The following OR5B2 variants were observed in gnomAD, a reference collection of about 807,000 sequenced individuals.
OR5B2 encodes the protein olfactory receptor 5B2.
For missense variants in OR5B2, 411 were observed against 367.0 expected, an observed-to-expected ratio of 1.12 and a Z score of -0.98; for synonymous variants, 163 against 140.8, an observed-to-expected ratio of 1.16 and a Z score of -1.11.
intron 1 of OR5B2, among the ~76,000 whole-genome samples, chr11:58,427,151 C>T (rs1259530545): frequency 6.6e-6 from 1 of 152,114 alleles, no homozygotes; most frequent in East Asian, 1.9e-4. Context: ...TTTGAACGTA[C>T]ATAAAGTTCT....
chr11:58,425,574 G>GA (rs538145332), intron 2 of OR5B2, among the ~76,000 whole-genome samples: 2 of 151,530 alleles, frequency 1.3e-5, no homozygotes, highest in African/African-American at 4.8e-5. Flanking sequence ...AATAACATTA[G>GA]AAAAAAAATA....
At position 58,421,793 on chromosome 11, in the gene OR5B2, TG is replaced by T. The variant is rs1855275518; in HGVS notation, c.*538del. The T allele has an allele frequency of 6.6e-6, 1 of 152,278 alleles. No homozygotes were observed. The highest frequency in any genetic ancestry group is 2.4e-5 in the African/African-American group (1 of 41,452). 9.4% of individuals were successfully genotyped at this position (152,278 alleles called of 1,614,324 possible). ...TATGTATGTGGGGGCAGAAGGTATA[TG>T]GGAAATCTCTGTACTTACCTCTCCA... On this transcript the variant is annotated 3_prime_UTR_variant, in exon 3 of 3. Coordinates refer to ENST00000641342, the MANE Select transcript of OR5B2 (RefSeq NM_001005566.3).
At position 58,423,195 on chromosome 11, in the gene OR5B2, T is replaced by C. The variant is rs2119937649; in HGVS notation, c.67A>G (p.Ile23Val). Reference sequence around the variant, plus strand: ...AAGGTGAACAAGATAAAGAGGGGGATCTGTAGTTCTGGGACACTGGTTAGT... The same window carrying C: ...AAGGTGAACAAGATAAAGAGGGGGACCTGTAGTTCTGGGACACTGGTTAGT... Reference protein sequence around the residue: ...LGLTSVPELQIPLFILFTFIY... With the variant: ...LGLTSVPELQVPLFILFTFIY... The change falls in exon 3 of 3, where the codon ATC becomes GTC. Residue 23 changes from isoleucine (I) to valine (V), a missense_variant. Ile to Val is a conservative substitution (Grantham distance 29). Coordinates refer to ENST00000641342, the MANE Select transcript of OR5B2 (RefSeq NM_001005566.3). 6.2e-7 allele frequency: 1 copy of C among 1,613,432 alleles called. No individual in the cohort carries two copies. Among genetic ancestry groups the C allele is most frequent in the Middle Eastern group, 1.7e-4 (1 of 6,058 alleles).
intron 2 of OR5B2, among the ~76,000 whole-genome samples, chr11:58,424,611 C>A (rs1355021331): frequency 1.3e-5 from 2 of 152,106 alleles, no homozygotes; most frequent in East Asian, 3.9e-4. Flanking sequence ...CTTTAGTCTG[C>A]AGATCTGTTT....
Position 58,421,825 on chromosome 11 carries a change from C to G in OR5B2, c.*507G>C, listed in dbSNP as rs1855275764. 1 of 152,426 alleles carries G rather than the reference C, an allele frequency of 6.6e-6. No individual in the cohort carries two copies. Among genetic ancestry groups the G allele is most frequent in the African/African-American group, 2.4e-5 (1 of 41,404 alleles). The allele number at this position is 152,426 out of a possible 1,614,324, so 9.4% of individuals were successfully genotyped here. A position where few individuals can be genotyped will look rare whatever the true frequency, so the allele number is the denominator to read the frequency against. Reference sequence around the variant, plus strand: ...TCTCTGTACTTACCTCTCCATTTTGCTGTGAACATAAAACTGTTCTTAAAG... The same window carrying G: ...TCTCTGTACTTACCTCTCCATTTTGGTGTGAACATAAAACTGTTCTTAAAG... On this transcript the variant is annotated 3_prime_UTR_variant, in exon 3 of 3. Coordinates refer to ENST00000641342, the MANE Select transcript of OR5B2 (RefSeq NM_001005566.3).
intron 1 of OR5B2, among the ~76,000 whole-genome samples, chr11:58,427,061 G>A (rs1219584055): frequency 6.6e-6 from 1 of 152,096 alleles, no homozygotes; most frequent in Non-Finnish European, 1.5e-5. Context: ...CACACAGGGT[G>A]GAACCTCTAA....
In OR5B2 at chr11:58,422,482, G is replaced by T; in HGVS notation, c.780C>A (p.Pro260=). ...YGTVIFIYLQ[P]SSSHSMDTDK... ...CTGTGTCCATGGAGTGGCTGGAGCT[G>T]GGCTGCAAGTAGATGAAGATTACTG... Residue 260 remains proline, a synonymous_variant, in exon 3 of 3, where the codon CCC becomes CCA. Coordinates refer to ENST00000641342, the MANE Select transcript of OR5B2 (RefSeq NM_001005566.3). 6.2e-6 allele frequency: 10 copies of T among 1,613,734 alleles called. No homozygotes were observed. Among genetic ancestry groups the T allele is most frequent in the Non-Finnish European group, 8.5e-6 (10 of 1,179,848 alleles).
At chr11:58,427,843 G>T (rs1259346014) in intron 1 of OR5B2, among the ~76,000 whole-genome samples, 176 bp downstream of exon 1, 1 of 152,136 alleles carries the variant, frequency 6.6e-6, no homozygotes, top group Non-Finnish European at 1.5e-5. Context: ...ACAGTCAAGG[G>T]ACTGTGAGAA....
rs1297628439 is a variant in OR5B2 at position 58,423,225 on chromosome 11, G to A, written c.37C>T (p.Leu13=). 5 of 1,608,934 alleles carry A rather than the reference G, an allele frequency of 3.1e-6. No homozygotes were observed. The highest frequency in any genetic ancestry group is 4.2e-6 in the Non-Finnish European group (5 of 1,177,040). The change falls in exon 3 of 3, where the codon CTA becomes TTA. Residue 13 remains leucine, a synonymous_variant. Transcript: ENST00000641342. ...NCTEVTKFIL[L]GLTSVPELQI... ...AGTTCTGGGACACTGGTTAGTCCTA[G>A]AAGAATGAACTTTGTCACTTCCGTA...
intron 2 of OR5B2, among the ~76,000 whole-genome samples, chr11:58,423,647 C>CTT (rs1402147875): frequency 1.3e-5 from 2 of 152,036 alleles, no homozygotes; most frequent in Non-Finnish European, 2.9e-5. Context: ...TACTGGGAAC[C>CTT]GCTCTAGGCA....
chr11:58,426,110 A>G (rs970886888), intron 2 of OR5B2, among the ~76,000 whole-genome samples: 1 of 151,722 alleles, frequency 6.6e-6, no homozygotes, highest in African/African-American at 2.4e-5. Context: ...TAGAGTGCCC[A>G]TCATTTTCTA....
At position 58,422,430 on chromosome 11, in the gene OR5B2, T is replaced by C. The variant is rs769392278; in HGVS notation, c.832A>G (p.Met278Val). 38 of 1,613,528 alleles carry C rather than the reference T, an allele frequency of 2.4e-5. No individual in the cohort carries two copies. Among genetic ancestry groups the C allele is most frequent in the Non-Finnish European group, 3.2e-5 (38 of 1,179,740 alleles). Reference protein sequence around the residue: ...TDKMASVFYAMIIPMLNPVVY... With the variant: ...TDKMASVFYAVIIPMLNPVVY... ...ACAGGGTTCAGCATGGGGATGATCA[T>C]AGCATAGAACACAGATGCCATTTTG... is the stretch of plus-strand genomic sequence containing the variant. The change falls in exon 3 of 3, where the codon ATG (methionine) becomes GTG (valine). Residue 278 changes from methionine (M) to valine (V), a missense_variant. Met to Val is a conservative substitution (Grantham distance 21). Transcript: ENST00000641342.
rs190925972 is a variant in OR5B2 at position 58,422,679 on chromosome 11, C to A, written c.583G>T (p.Val195Leu). ...AAGCTTGACATAAAAACCAGAATCA[C>A]CTCACTAGTGTGTTTATCAGAGCAA... ...LSCSDKHTSE[V>L]ILVFMSSFNI... The change falls in exon 3 of 3, where the codon GTG (valine) becomes TTG (leucine). Residue 195 changes from valine (V) to leucine (L), a missense_variant. By Grantham distance (32) the Val-to-Leu change is conservative. Transcript: ENST00000641342. 1 of 1,613,460 alleles carries A rather than the reference C, an allele frequency of 6.2e-7. No individual in the cohort carries two copies. Among genetic ancestry groups the A allele is most frequent in the African/African-American group, 1.3e-5 (1 of 74,884 alleles).
At chr11:58,424,921 A>G (rs1855320533) in intron 2 of OR5B2, among the ~76,000 whole-genome samples, 1 of 152,254 alleles carries the variant, frequency 6.6e-6, no homozygotes, top group South Asian at 2.1e-4. Context: ...CTATTTTACC[A>G]TTATAAGAAT....
At chr11:58,426,238 T>C (rs914252618) in intron 2 of OR5B2, among the ~76,000 whole-genome samples, 1 of 152,034 alleles carries the variant, frequency 6.6e-6, no homozygotes, top group Non-Finnish European at 1.5e-5. Flanking sequence ...TAAATTTGCA[T>C]CATGGGGGTT....
intron 1 of OR5B2, among the ~76,000 whole-genome samples, chr11:58,427,119 G>A (rs147100561): frequency 6.6e-6 from 1 of 152,204 alleles, no homozygotes; most frequent in Non-Finnish European, 1.5e-5. Context: ...CCAATGACTG[G>A]GAACTAACAA....
intron 2 of OR5B2, among the ~76,000 whole-genome samples, chr11:58,425,356 T>C (rs1280473025): frequency 6.6e-6 from 1 of 152,054 alleles, no homozygotes; most frequent in African/African-American, 2.4e-5. Flanking sequence ...CCTCAGCATA[T>C]GTTTTTAGAA....
chr11:58,426,493 G>T (rs1236498050), intron 2 of OR5B2, 129 bp downstream of exon 2: 1 of 152,104 alleles, frequency 6.6e-6, no homozygotes, highest in African/African-American at 2.4e-5. Flanking sequence ...GTGATAGCAT[G>T]AAAATATTAA....
At chr11:58,423,322 T>TA in intron 2 of OR5B2, 33 bp from the exon 3 acceptor site, 2 of 1,029,000 alleles carry the variant, frequency 1.9e-6, no homozygotes, top group East Asian at 2.4e-5. Context: ...AATAGAGTGA[T>TA]AAACAAAAAA....
Sources: allele counts gnomAD v4.1 joint callset (sites outside exome capture counted in the v4.1 genomes callset), GRCh38; gene constraint gnomAD v4.1.1; transcripts MANE v1.5; gene names NCBI Gene and HGNC (gene_info 2026-07-23, HGNC 2026-07-21).